ZC3H12B: variants seen among roughly 807,000 people sequenced by gnomAD.
The protein encoded by ZC3H12B is probable ribonuclease ZC3H12B.
Under a neutral mutation model 43.9 loss-of-function variants are expected in ZC3H12B, and 7 were observed. The observed-to-expected ratio is 0.16, with a 90% confidence interval of 0.09 to 0.30. The LOEUF (loss-of-function observed/expected upper bound fraction) is 0.30, where lower values mean the gene tolerates loss of function less well. Among genes scored for constraint, ZC3H12B ranks in the 10% least tolerant of loss-of-function variants. The pLI, the probability that ZC3H12B is intolerant of heterozygous loss-of-function variation, is 1.00. For synonymous variants in ZC3H12B, 222 were observed against 241.7 expected (o/e 0.92, Z 0.76); for missense variants, 475 against 670.2 (o/e 0.71, Z 3.22).
exon 5 of ZC3H12B, chrX:65,505,636 A>G (rs1391590363): frequency 1.8e-5 from 2 of 112,289 alleles, no homozygotes; most frequent in African/African-American, 6.5e-5. Context: ...AGGGTATTTG[A>G]CAATCTCAGA....
chrX:65,377,549 G>A (rs1356290518), intron 2 of ZC3H12B, among the ~76,000 whole-genome samples: 3 of 110,429 alleles, frequency 2.7e-5, no homozygotes, highest in Non-Finnish European at 5.7e-5. Context: ...ATATACAGTA[G>A]CGCCACAATA....
At chrX:65,215,588 T>G in the ZC3H12B span, among the ~76,000 whole-genome samples, 1 of 111,349 alleles carries the variant, frequency 9.0e-6, no homozygotes, top group Admixed American at 9.6e-5. Flanking sequence ...TTGTTGCTCG[T>G]TTGATCTTCA....
the ZC3H12B span, among the ~76,000 whole-genome samples, chrX:65,241,041 C>T: frequency 9.0e-6 from 1 of 111,633 alleles, no homozygotes; most frequent in Non-Finnish European, 1.9e-5. Context: ...GAATTAGAGG[C>T]CCACTTAAGG....
chrX:65,332,383 A>G, the ZC3H12B span, among the ~76,000 whole-genome samples: 1 of 111,948 alleles, frequency 8.9e-6, no homozygotes, highest in Non-Finnish European at 1.9e-5. Context: ...TAAATGTTCA[A>G]TTTAAGAAAA....
chrX:65,401,100 C>T (rs1008770214), intron 3 of ZC3H12B, among the ~76,000 whole-genome samples: 34 of 108,813 alleles, frequency 3.1e-4, no homozygotes, highest in African/African-American at 1.2e-3. Flanking sequence ...AAAAAAAACA[C>T]CTTCATTAGA....
chrX:65,124,100 TG>T, the ZC3H12B span, among the ~76,000 whole-genome samples: 1 of 111,434 alleles, frequency 9.0e-6, no homozygotes, highest in Non-Finnish European at 1.9e-5. Flanking sequence ...AAGTTTTCCC[TG>T]TTCATTATAA....
At chrX:65,442,954 TAG>T (rs2067322598) in intron 3 of ZC3H12B, among the ~76,000 whole-genome samples, 4 of 110,655 alleles carry the variant, frequency 3.6e-5, no homozygotes, top group African/African-American at 1.3e-4. Flanking sequence ...CTGGGGCAAC[TAG>T]TTTTCACCCA....
chrX:65,150,371 T>C, the ZC3H12B span, among the ~76,000 whole-genome samples: 2 of 111,260 alleles, frequency 1.8e-5, no homozygotes, highest in Non-Finnish European at 1.9e-5. Context: ...ATTTCAGTTT[T>C]TTTTTTAATT....
the ZC3H12B span, among the ~76,000 whole-genome samples, chrX:65,234,873 A>T: frequency 1.8e-5 from 2 of 111,247 alleles, no homozygotes; most frequent in Admixed American, 1.9e-4. Context: ...GAAAGGCCCC[A>T]GTGTGTCTTG....
exon 5 of ZC3H12B, chrX:65,503,592 T>TC (rs2068396202): frequency 1.6e-5 from 2 of 122,676 alleles, no homozygotes; most frequent in African/African-American, 6.6e-5. Context: ...GTTTTCCTTT[T>TC]TCTCTTTTCG....
At chrX:65,326,924 A>G in the ZC3H12B span, among the ~76,000 whole-genome samples, 17 of 111,650 alleles carry the variant, frequency 1.5e-4, no homozygotes, top group African/African-American at 5.5e-4. Flanking sequence ...AACAACAGTG[A>G]TATATCACCT....
At chrX:65,162,582 T>C in the ZC3H12B span, among the ~76,000 whole-genome samples, 1 of 112,316 alleles carries the variant, frequency 8.9e-6, no homozygotes, top group Non-Finnish European at 1.9e-5. Flanking sequence ...TTCTGCATTC[T>C]TCACGTAGTT....
chrX:65,411,929 T>TA (rs890077195), intron 3 of ZC3H12B, among the ~76,000 whole-genome samples: 4 of 108,937 alleles, frequency 3.7e-5, no homozygotes, highest in African/African-American at 6.6e-5. Context: ...TAAAATAAAA[T>TA]AAATAAAAAC....
chrX:65,240,167 A>T, the ZC3H12B span, among the ~76,000 whole-genome samples: 1 of 111,612 alleles, frequency 9.0e-6, no homozygotes, highest in African/African-American at 3.3e-5. Context: ...CTGTAGTATG[A>T]TTTCCAAGTT....
At chrX:65,471,447 T>A in intron 3 of ZC3H12B, among the ~76,000 whole-genome samples, 1 of 67,220 alleles carries the variant, frequency 1.5e-5, no homozygotes, top group African/African-American at 4.6e-4. Flanking sequence ...GGTTTGTGAT[T>A]TTTTTTTTTT....
At chrX:65,071,609 T>C in the ZC3H12B span, among the ~76,000 whole-genome samples, 5 of 112,080 alleles carry the variant, frequency 4.5e-5, no homozygotes, top group Middle Eastern at 4.6e-3. Context: ...TTTTGATATA[T>C]AGTGTTTCCT....
At chrX:65,389,213 G>C (rs2066575618) in intron 2 of ZC3H12B, among the ~76,000 whole-genome samples, 1 of 112,271 alleles carries the variant, frequency 8.9e-6, no homozygotes, top group Non-Finnish European at 1.9e-5. Context: ...CCTTTTGTTT[G>C]GCTATGCCCT....
chrX:65,124,034 G>A, the ZC3H12B span, among the ~76,000 whole-genome samples: 22 of 111,159 alleles, frequency 2.0e-4, no homozygotes, highest in South Asian at 3.8e-3. Context: ...ATGTTGAATA[G>A]AAGTGGTTAA....
the ZC3H12B span, among the ~76,000 whole-genome samples, chrX:65,136,849 G>A: frequency 2.7e-5 from 3 of 111,395 alleles, no homozygotes; most frequent in South Asian, 1.1e-3. Context: ...GGAGAAATAG[G>A]GAAAAGAATG....
Sources: gnomAD v4.1 joint callset for allele counts (sites outside exome capture counted in the v4.1 genomes callset) on GRCh38, gnomAD v4.1.1 for gene constraint, MANE v1.5 for transcripts, NCBI Gene and HGNC (gene_info 2026-07-23, HGNC 2026-07-21) for gene names.